SLX4IP: variants seen among roughly 807,000 people sequenced by gnomAD.
SLX4IP encodes the protein SLX4 interacting protein.
A neutral mutation model predicts 32.9 loss-of-function variants in SLX4IP; 34 were observed. That is an observed-to-expected ratio of 1.03 (90% confidence interval 0.79 to 1.38). The LOEUF is 1.38. Among genes scored for constraint, SLX4IP ranks in the 40% most tolerant of loss-of-function variants. SLX4IP has a pLI of 0.00. For missense variants in SLX4IP, 444 were observed against 479.0 expected (o/e 0.93, Z 0.68); for synonymous variants, 172 against 171.7 (o/e 1.00, Z -0.01).
chr20:10,591,766 T>A (rs188161902), intron 4 of SLX4IP, among the ~76,000 whole-genome samples: 2 of 152,344 alleles, frequency 1.3e-5, no homozygotes, highest in East Asian at 3.9e-4. Context: ...TCATATTTAA[T>A]GTTAAGGGCC....
intron 1 of SLX4IP, among the ~76,000 whole-genome samples, chr20:10,435,856 G>T (rs2065107323): frequency 1.3e-5 from 2 of 151,984 alleles, no homozygotes; most frequent in South Asian, 4.1e-4. Context: ...TGCATTTCTT[G>T]AGTACCTAAT....
At chr20:10,595,227 T>G (rs1355063560) in intron 4 of SLX4IP, among the ~76,000 whole-genome samples, 6 of 152,184 alleles carry the variant, frequency 3.9e-5, no homozygotes, top group African/African-American at 1.4e-4. Context: ...ATGTTTCTAT[T>G]GCAAAGCTTT....
At position 10,579,152 on chromosome 20, in the gene SLX4IP, A is replaced by T. The variant is rs549413195; in HGVS notation, c.238+18332A>T. Among the ~76,000 whole-genome samples, 15 of 152,310 alleles carry T rather than the reference A, an allele frequency of 9.8e-5. No homozygotes were observed. The East Asian group carries it at 2.9e-3, about 29-fold the overall frequency. ...AGAAACCATTGCCCTATCCAAGGTA[A>T]TAAAAATGTACATCTATTTTTTAAG... On this transcript the variant is annotated intron_variant, in intron 4 of 7. Transcript: ENST00000334534.
chr20:10,500,596 T>G (rs765412677), intron 2 of SLX4IP, among the ~76,000 whole-genome samples: 3 of 151,736 alleles, frequency 2.0e-5, no homozygotes, highest in Non-Finnish European at 4.4e-5. Flanking sequence ...GCAAAAAAAT[T>G]AAAAAATTAA....
intron 1 of SLX4IP, among the ~76,000 whole-genome samples, chr20:10,450,393 A>C: frequency 6.6e-6 from 1 of 152,360 alleles, no homozygotes; most frequent in East Asian, 1.9e-4. Flanking sequence ...TGTAATTTTA[A>C]AAAATTCATA....
chr20:10,454,392 G>A (rs2065268046), intron 1 of SLX4IP, among the ~76,000 whole-genome samples: 1 of 149,280 alleles, frequency 6.7e-6, no homozygotes, highest in East Asian at 1.9e-4. Flanking sequence ...GCAGGGTAGA[G>A]AGGCATGCAG....
chr20:10,523,227 G>A lies in SLX4IP; in HGVS notation c.28-33004G>A, dbSNP rs16991716. Among the ~76,000 whole-genome samples the A allele has an allele frequency of 8.5e-3, 1,298 of 152,218 alleles. 12 individuals are homozygous for A. Among genetic ancestry groups the A allele is most frequent in the Middle Eastern group, 0.044 (13 of 294 alleles). Reference sequence around the variant, plus strand: ...CCACCTGAAAGGGATGCTATACCACGAGATACTGTGACAGTCAGAGAGACA... The same window carrying A: ...CCACCTGAAAGGGATGCTATACCACAAGATACTGTGACAGTCAGAGAGACA... On this transcript the variant is annotated intron_variant, in intron 2 of 7. Transcript: ENST00000334534.
intron 2 of SLX4IP, among the ~76,000 whole-genome samples, chr20:10,545,254 A>T (rs935142955): frequency 6.6e-6 from 1 of 152,172 alleles, no homozygotes; most frequent in Non-Finnish European, 1.5e-5. Flanking sequence ...CAGGCCTAGC[A>T]CTTGACTTTG....
chr20:10,557,329 T>C (rs1345040530), intron 3 of SLX4IP, among the ~76,000 whole-genome samples: 1 of 152,194 alleles, frequency 6.6e-6, no homozygotes, highest in African/African-American at 2.4e-5. Flanking sequence ...GATAATATTA[T>C]CAAGACTTTG....
chr20:10,606,147 C>T (rs2066902905), intron 6 of SLX4IP, among the ~76,000 whole-genome samples: 1 of 151,992 alleles, frequency 6.6e-6, no homozygotes, highest in South Asian at 2.1e-4. Context: ...AATAATTTTG[C>T]ACAAAGAAGA....
chr20:10,615,066 C>CT (rs1293447140), intron 6 of SLX4IP, among the ~76,000 whole-genome samples: 1 of 151,574 alleles, frequency 6.6e-6, no homozygotes, highest in Non-Finnish European at 1.5e-5. Context: ...TAAAGGTGTC[C>CT]TTTTACTTTT....
intron 2 of SLX4IP, among the ~76,000 whole-genome samples, chr20:10,521,783 T>C (rs1357136463): frequency 6.6e-6 from 1 of 152,212 alleles, no homozygotes; most frequent in Non-Finnish European, 1.5e-5. Context: ...CTCTTTTACA[T>C]ACAATTCTAA....
chr20:10,474,631 G>A (rs1396456073), intron 2 of SLX4IP, among the ~76,000 whole-genome samples: 3 of 152,234 alleles, frequency 2.0e-5, no homozygotes, highest in Non-Finnish European at 4.4e-5. Flanking sequence ...AAGGCCAGAT[G>A]GGCCTTGGGG....
intron 1 of SLX4IP, among the ~76,000 whole-genome samples, chr20:10,436,706 A>AT (rs2065118800): frequency 1.3e-5 from 2 of 152,160 alleles, no homozygotes; most frequent in Admixed American, 1.3e-4. Context: ...ACAGTGTATT[A>AT]TCAATTTATT....
chr20:10,457,673 G>A (rs375603875), intron 1 of SLX4IP, among the ~76,000 whole-genome samples: 1 of 152,024 alleles, frequency 6.6e-6, no homozygotes. Context: ...TTCTTGTGAT[G>A]TCTCTCTCTG....
intron 4 of SLX4IP, among the ~76,000 whole-genome samples, chr20:10,569,073 G>C (rs2066429547): frequency 6.6e-6 from 1 of 152,122 alleles, no homozygotes; most frequent in Non-Finnish European, 1.5e-5. Flanking sequence ...CCTTACTTGA[G>C]GACTGCCTGG....
intron 4 of SLX4IP, among the ~76,000 whole-genome samples, chr20:10,591,170 C>T (rs2066704898): frequency 1.3e-5 from 2 of 152,152 alleles, no homozygotes; most frequent in African/African-American, 4.8e-5. Context: ...ATTAAGTTTG[C>T]AATCTCAGTT....
intron 2 of SLX4IP, among the ~76,000 whole-genome samples, chr20:10,545,631 C>T (rs958808398): frequency 2.0e-5 from 3 of 152,154 alleles, no homozygotes; most frequent in Non-Finnish European, 4.4e-5. Context: ...TGAGAAGATT[C>T]CAGGGAAAAA....
intron 5 of SLX4IP, among the ~76,000 whole-genome samples, chr20:10,601,397 C>T (rs187005715): frequency 8.9e-4 from 136 of 152,240 alleles, no homozygotes; most frequent in African/African-American, 3.2e-3. Flanking sequence ...ATTTTGAAAA[C>T]ATTGATCCTA....
Sources: allele counts gnomAD v4.1 joint callset (sites outside exome capture counted in the v4.1 genomes callset), GRCh38; gene constraint gnomAD v4.1.1; transcripts MANE v1.5; gene names NCBI Gene and HGNC (gene_info 2026-07-23, HGNC 2026-07-21).